The following FAN1 variants were observed in gnomAD, a reference collection of about 807,000 sequenced individuals.
FAN1 encodes fanconi-associated nuclease 1.
FAN1 carries 91 observed loss-of-function variants against 104.9 expected under a neutral mutation model. The observed-to-expected ratio is 0.87, with a 90% CI of 0.73 to 1.03. The LOEUF (loss-of-function observed/expected upper bound fraction) is 1.03, where lower values mean the gene tolerates loss of function less well. Among genes scored for constraint, FAN1 ranks in the 50% least tolerant of loss-of-function variants. The probability of loss-of-function intolerance (pLI) is 0.00; values close to 1 mark genes in which losing one functional copy is unlikely to be tolerated. For missense variants in FAN1, 1,263 were observed against 1,239.9 expected, an observed-to-expected ratio of 1.02 and a Z score of -0.28; for synonymous variants, 478 against 457.6, an observed-to-expected ratio of 1.04 and a Z score of -0.57.
chr15:30,926,934 A>G (rs1224419512), intron 10 of FAN1: 27 of 985,056 alleles, frequency 2.7e-5, no homozygotes, highest in South Asian at 9.4e-5. Context: ...AGCGATCTCA[A>G]CCTCTTCTGG....
intron 14 of FAN1, chr15:30,939,725 A>T: frequency 3.1e-6 from 3 of 980,566 alleles, no homozygotes; most frequent in Non-Finnish European, 2.4e-6. Flanking sequence ...GTAATAATAA[A>T]AAAGCAGCTA....
intron 3 of FAN1, among the ~76,000 whole-genome samples, chr15:30,908,521 C>G (rs187079387): frequency 2.6e-4 from 39 of 152,256 alleles, no homozygotes; most frequent in African/African-American, 8.9e-4. Flanking sequence ...TGAAAGTCAC[C>G]TGGGCATAGA....
In FAN1 at chr15:30,930,606, T is replaced by C. The variant is rs2062684642; in HGVS notation, c.2851T>C (p.Phe951Leu). The C allele has an allele frequency of 6.2e-7, 1 of 1,612,976 alleles. No homozygotes were observed. The highest frequency in any genetic ancestry group is 8.5e-7 in the Non-Finnish European group (1 of 1,179,586). Residue 951 changes from phenylalanine to leucine, a missense_variant, in exon 13 of 15, where the codon TTT becomes CTT. Phe to Leu is a conservative substitution (Grantham distance 22). Coordinates refer to ENST00000362065, the MANE Select transcript of FAN1 (RefSeq NM_014967.5). ...SGVCRHLAAD[F>L]RHCRGGLPDL... ...TGTGTGCAGGCACCTGGCTGCTGAC[T>C]TTCGACACTGTCGAGGGGGCCTCCC...
chr15:30,923,422 G>A (rs912262366), intron 8 of FAN1, among the ~76,000 whole-genome samples: 1 of 152,212 alleles, frequency 6.6e-6, no homozygotes, highest in Non-Finnish European at 1.5e-5. Flanking sequence ...TCACAGTTCT[G>A]CTAGGGGGTA....
chr15:30,939,853 A>G (rs1306442389), intron 14 of FAN1: 1 of 985,212 alleles, frequency 1.0e-6, no homozygotes, highest in Non-Finnish European at 1.2e-6. Flanking sequence ...TTCTATTTGT[A>G]TAAACTGAAA....
chr15:30,905,330 G>A lies in FAN1; in HGVS notation c.667G>A (p.Glu223Lys). The change falls in exon 2 of 15, where the codon GAA becomes AAA. Residue 223 changes from glutamate (E) to lysine (K), a missense_variant. This residue lies in a region of FAN1 where 682 missense variants were observed against 571.1 expected (regional missense o/e 1.19). Transcript: ENST00000362065. Reference sequence around the variant, plus strand: ...CGTGTTTAAATGTGATTCTCTAAAGGAAGAGTGCATTCCTGAACATATGGT... The same window carrying A: ...CGTGTTTAAATGTGATTCTCTAAAGAAAGAGTGCATTCCTGAACATATGGT... ...ENVFKCDSLK[E>K]ECIPEHMVRG... 5 of 1,613,920 alleles carry A rather than the reference G, an allele frequency of 3.1e-6. No individual in the cohort carries two copies. The highest frequency in any genetic ancestry group is 4.2e-6 in the Non-Finnish European group (5 of 1,179,918).
chr15:30,932,407 T>C (rs1233198828), intron 13 of FAN1, among the ~76,000 whole-genome samples: 1 of 152,132 alleles, frequency 6.6e-6, no homozygotes, highest in East Asian at 1.9e-4. Context: ...TGTACTTTTC[T>C]TTTCTTATTA....
intron 14 of FAN1, chr15:30,940,663 C>T: frequency 1.0e-6 from 1 of 986,644 alleles, no homozygotes; most frequent in Non-Finnish European, 1.2e-6. Flanking sequence ...CCAGAGGCCA[C>T]TCCCCAGTGG....
intron 8 of FAN1, 69 bp from the exon 9 acceptor site, chr15:30,925,058 C>T: frequency 1.3e-6 from 2 of 1,502,712 alleles, no homozygotes; most frequent in Non-Finnish European, 1.8e-6. Context: ...GCTTTTCTGT[C>T]AAACTAAATG....
At chr15:30,911,008 C>T (rs1472743033) in intron 4 of FAN1, 193 bp downstream of exon 4, 3 of 1,292,994 alleles carry the variant, frequency 2.3e-6, no homozygotes. Context: ...TGTCGTAATA[C>T]CGTACTAATT....
chr15:30,919,711 A>G (rs2062278545), intron 6 of FAN1, among the ~76,000 whole-genome samples: 1 of 148,734 alleles, frequency 6.7e-6, no homozygotes, highest in Non-Finnish European at 1.5e-5. Flanking sequence ...AAAAAAAAAG[A>G]AAATCATAAG....
At chr15:30,926,506 C>T (rs908720901) in intron 10 of FAN1, 1 of 388,496 alleles carries the variant, frequency 2.6e-6, no homozygotes, top group Non-Finnish European at 3.5e-6. Context: ...GGAAGATTAA[C>T]AAGTACTATA....
At chr15:30,918,616 A>G (rs908256938) in intron 6 of FAN1, among the ~76,000 whole-genome samples, 4 of 152,210 alleles carry the variant, frequency 2.6e-5, no homozygotes, top group African/African-American at 9.7e-5. Context: ...ACGTGAGGGA[A>G]GCCAGCAGCA....
intron 14 of FAN1, chr15:30,939,532 AAAAT>A: frequency 1.0e-6 from 1 of 977,094 alleles, no homozygotes; most frequent in Non-Finnish European, 1.2e-6. Context: ...CTGTCCAGCA[AAAAT>A]AAAAGTATTT....
chr15:30,923,518 T>A, intron 8 of FAN1, among the ~76,000 whole-genome samples: 1 of 152,178 alleles, frequency 6.6e-6, no homozygotes, highest in East Asian at 1.9e-4. Context: ...TGGCCATAGC[T>A]CTTGTTATTT....
At chr15:30,924,072 C>A (rs2062400203) in intron 8 of FAN1, among the ~76,000 whole-genome samples, 3 of 152,192 alleles carry the variant, frequency 2.0e-5, no homozygotes, top group Admixed American at 2.0e-4. Flanking sequence ...TCATTTCATT[C>A]ATTTCATTGA....
chr15:30,941,593 G>A lies in FAN1; in HGVS notation c.*31G>A. 2 of 1,599,886 alleles carry A rather than the reference G, an allele frequency of 1.3e-6. No individual in the cohort carries two copies. The highest frequency in any genetic ancestry group is 1.3e-5 in the African/African-American group (1 of 74,768). ...TCCCTACAGGAGAAAATGGAAATGA[G>A]GAGGAGAGAAACTCCGGTGTCCCCG... On this transcript the variant is annotated 3_prime_UTR_variant, in exon 15 of 15. Transcript: ENST00000362065.
At chr15:30,941,528 T>G in intron 14 of FAN1, 38 bp from the exon 15 acceptor site, 1 of 1,610,478 alleles carries the variant, frequency 6.2e-7, no homozygotes, top group Non-Finnish European at 8.5e-7. Context: ...ACTTAAAAAT[T>G]TGCTTAATGG....
chr15:30,929,702 T>TGAAATATATAA (rs2062585527), intron 12 of FAN1, among the ~76,000 whole-genome samples: 2 of 44,968 alleles, frequency 4.4e-5, no homozygotes, highest in African/African-American at 9.5e-5. Context: ...AAAATATATA[T>TGAAATATATAA]TATATCATAT....
Sources: allele counts gnomAD v4.1 joint callset (sites outside exome capture counted in the v4.1 genomes callset), GRCh38; gene constraint gnomAD v4.1.1; regional missense constraint gnomAD v4.1.1; transcripts MANE v1.5; gene names NCBI Gene and HGNC (gene_info 2026-07-23, HGNC 2026-07-21).